ASAP1: variants seen among roughly 807,000 people sequenced by gnomAD.
ASAP1 encodes arf-GAP with SH3 domain, ANK repeat and PH domain-containing protein 1.
Under a neutral mutation model 145.2 loss-of-function variants are expected in ASAP1, and 43 were observed. That is an observed-to-expected ratio of 0.30 (90% CI 0.23 to 0.38). ASAP1 has a LOEUF of 0.38. ASAP1 is among the 10% of genes least tolerant of loss of function. The pLI, the probability that ASAP1 is intolerant of heterozygous loss-of-function variation, is 1.00. For synonymous variants in ASAP1, 546 were observed against 515.5 expected (o/e 1.06, Z -0.80); for missense variants, 1,018 against 1,355.3 (o/e 0.75, Z 3.91).
chr8:130,088,091 G>A (rs1456628270), intron 25 of ASAP1, among the ~76,000 whole-genome samples: 1 of 152,140 alleles, frequency 6.6e-6, no homozygotes, highest in Non-Finnish European at 1.5e-5. Flanking sequence ...CTAGGAAAAA[G>A]GGTCTTTGTA....
intron 4 of ASAP1, among the ~76,000 whole-genome samples, chr8:130,223,446 C>A (rs747628435): frequency 2.0e-5 from 3 of 152,186 alleles, no homozygotes; most frequent in Non-Finnish European, 4.4e-5. Context: ...ATTTCATTTA[C>A]TCCAAAATTC....
At chr8:130,334,684 T>C (rs1824924062) in intron 3 of ASAP1, among the ~76,000 whole-genome samples, 1 of 152,236 alleles carries the variant, frequency 6.6e-6, no homozygotes, top group South Asian at 2.1e-4. Context: ...TTCAAGTGTG[T>C]AGTGATTTCC....
chr8:130,382,566 G>C (rs1827831473), intron 2 of ASAP1, among the ~76,000 whole-genome samples: 1 of 152,182 alleles, frequency 6.6e-6, no homozygotes, highest in Non-Finnish European at 1.5e-5. Flanking sequence ...CCACCCAATA[G>C]ATGCTTGTTC....
At chr8:130,405,522 C>A (rs976379280) in intron 1 of ASAP1, among the ~76,000 whole-genome samples, 2 of 152,330 alleles carry the variant, frequency 1.3e-5, no homozygotes, top group African/African-American at 4.8e-5. Flanking sequence ...CTGGGCCTAA[C>A]ATCAAAAGTT....
At chr8:130,280,748 G>C (rs1028718735) in intron 3 of ASAP1, among the ~76,000 whole-genome samples, 1 of 152,210 alleles carries the variant, frequency 6.6e-6, no homozygotes, top group Non-Finnish European at 1.5e-5. Flanking sequence ...GCTGGGAAGA[G>C]TGCCAAAAGT....
At chr8:130,362,282 A>G (rs1826754161) in intron 2 of ASAP1, among the ~76,000 whole-genome samples, 1 of 152,154 alleles carries the variant, frequency 6.6e-6, no homozygotes, top group South Asian at 2.1e-4. Flanking sequence ...GGCCCAAGAA[A>G]CCACAAGGAG....
At chr8:130,163,431 T>C (rs376333264) in intron 11 of ASAP1, among the ~76,000 whole-genome samples, 1 of 152,190 alleles carries the variant, frequency 6.6e-6, no homozygotes, top group Non-Finnish European at 1.5e-5. Context: ...CAAACTAATA[T>C]GCTTTTAAAG....
At chr8:130,284,141 T>C (rs1821446252) in intron 3 of ASAP1, among the ~76,000 whole-genome samples, 2 of 152,282 alleles carry the variant, frequency 1.3e-5, no homozygotes, top group African/African-American at 4.8e-5. Context: ...GAGATTAAAA[T>C]GGCCAACCGA....
At chr8:130,385,666 G>GGGAGAGTCA in intron 2 of ASAP1, among the ~76,000 whole-genome samples, 1 of 152,298 alleles carries the variant, frequency 6.6e-6, no homozygotes, top group South Asian at 2.1e-4. Flanking sequence ...CACGAGTGGA[G>GGGAGAGTCA]GGAGAGTCAG....
intron 3 of ASAP1, among the ~76,000 whole-genome samples, chr8:130,270,958 G>A (rs1412828149): frequency 1.3e-5 from 2 of 152,188 alleles, no homozygotes; most frequent in Non-Finnish European, 1.5e-5. Context: ...CCAGCACACA[G>A]AACAAGTGCT....
chr8:130,108,644 CA>C (rs2097541450), intron 24 of ASAP1, among the ~76,000 whole-genome samples: 1 of 149,558 alleles, frequency 6.7e-6, no homozygotes, highest in East Asian at 2.0e-4. Flanking sequence ...ACTAAAAATA[CA>C]AAAATTAGCT....
chr8:130,300,722 C>T (rs1055630524), intron 3 of ASAP1, among the ~76,000 whole-genome samples: 1 of 152,176 alleles, frequency 6.6e-6, no homozygotes, highest in African/African-American at 2.4e-5. Context: ...AAAAATAAAA[C>T]ATCTTTTTCT....
intron 3 of ASAP1, among the ~76,000 whole-genome samples, chr8:130,240,858 C>T (rs1003827526): frequency 6.6e-6 from 1 of 152,078 alleles, no homozygotes; most frequent in East Asian, 1.9e-4. Flanking sequence ...TCATTTGAAT[C>T]TAGGCCCAGA....
At chr8:130,208,548 T>G (rs1401983280) in intron 5 of ASAP1, 1 of 150,784 alleles carries the variant, frequency 6.6e-6, no homozygotes, top group African/African-American at 2.4e-5. Context: ...TTAGGGAACT[T>G]TTTTTTTTTC....
At chr8:130,397,432 T>C (rs74318043) in intron 2 of ASAP1, among the ~76,000 whole-genome samples, 18,420 of 152,212 alleles carry the variant, frequency 0.12, 1,258 homozygotes, top group South Asian at 0.29. Flanking sequence ...TGAGCCACCA[T>C]GCCCAGCCCG....
At chr8:130,260,328 T>C (rs1819818201) in intron 3 of ASAP1, among the ~76,000 whole-genome samples, 1 of 152,190 alleles carries the variant, frequency 6.6e-6, no homozygotes, top group African/African-American at 2.4e-5. Flanking sequence ...CTCTGTGCCA[T>C]TCTCTTCTCT....
At chr8:130,166,677 C>T (rs2097680466) in intron 11 of ASAP1, among the ~76,000 whole-genome samples, 1 of 152,060 alleles carries the variant, frequency 6.6e-6, no homozygotes, top group Non-Finnish European at 1.5e-5. Flanking sequence ...GGGACTAAAG[C>T]TTAGTACCTA....
chr8:130,158,744 AT>A (rs879935055), intron 12 of ASAP1, among the ~76,000 whole-genome samples: 301 of 144,110 alleles, frequency 2.1e-3, no homozygotes, highest in Non-Finnish European at 2.0e-3. Context: ...ATGCTTTATG[AT>A]TTTTTTTTTT....
chr8:130,221,303 T>TAAAGG (rs1296348539), intron 4 of ASAP1, among the ~76,000 whole-genome samples: 2 of 151,760 alleles, frequency 1.3e-5, no homozygotes, highest in Admixed American at 1.3e-4. Context: ...AGGATGGAAG[T>TAAAGG]AAAGGAAAGG....
Sources: allele counts gnomAD v4.1 joint callset (sites outside exome capture counted in the v4.1 genomes callset), GRCh38; gene constraint gnomAD v4.1.1; transcripts MANE v1.5; gene names NCBI Gene and HGNC (gene_info 2026-07-23, HGNC 2026-07-21).